The following UBAP1 variants were observed in gnomAD, a reference collection of about 807,000 sequenced individuals.
UBAP1 encodes ubiquitin-associated protein 1.
Under a neutral mutation model 39.0 loss-of-function variants are expected in UBAP1, and 5 were observed. The ratio of observed to expected loss-of-function variants is 0.13; its 90% CI spans 0.07 to 0.27. The LOEUF is 0.27. UBAP1 is among the 10% of genes least tolerant of loss of function. UBAP1 has a pLI of 1.00. For synonymous variants in UBAP1, 211 were observed against 225.1 expected, an observed-to-expected ratio of 0.94 and a Z score of 0.56; for missense variants, 490 against 608.1, an observed-to-expected ratio of 0.81 and a Z score of 2.04.
intron 1 of UBAP1, chr9:34,211,984 A>G: frequency 2.4e-6 from 1 of 425,366 alleles, no homozygotes. Flanking sequence ...TCTAAGTTTT[A>G]TTAGTGTAAA....
chr9:34,203,797 A>G (rs1268957859), intron 1 of UBAP1, among the ~76,000 whole-genome samples: 3 of 151,952 alleles, frequency 2.0e-5, no homozygotes, highest in African/African-American at 7.3e-5. Flanking sequence ...CCATCCTTAT[A>G]TTGTTTTTCC....
intron 2 of UBAP1, among the ~76,000 whole-genome samples, chr9:34,226,105 T>TGTGTGTGTG (rs1833038876): frequency 2.3e-5 from 2 of 88,276 alleles, no homozygotes; most frequent in African/African-American, 9.0e-5. Context: ...TCCTACTCTA[T>TGTGTGTGTG]TGTGTGTGTG....
chr9:34,195,857 A>G (rs1831006796), intron 1 of UBAP1, among the ~76,000 whole-genome samples: 1 of 148,274 alleles, frequency 6.7e-6, no homozygotes, highest in Admixed American at 6.7e-5. Context: ...TCGGCTTCCC[A>G]AAGTGCTGGG....
At chr9:34,213,694 G>GA (rs1832141413) in intron 1 of UBAP1, among the ~76,000 whole-genome samples, 1 of 152,124 alleles carries the variant, frequency 6.6e-6, no homozygotes, top group Admixed American at 6.5e-5. Context: ...GGGAAAGAAA[G>GA]AAAGGGCATC....
At chr9:34,210,830 A>G (rs764764005) in intron 1 of UBAP1, among the ~76,000 whole-genome samples, 87 of 151,450 alleles carry the variant, frequency 5.7e-4, no homozygotes, top group Non-Finnish European at 1.1e-3. Context: ...TAATTCACCA[A>G]CCTTTTTTTT....
chr9:34,228,417 CAAAAAAAA>C (rs1182740329), intron 2 of UBAP1, among the ~76,000 whole-genome samples: 3 of 56,180 alleles, frequency 5.3e-5, no homozygotes, highest in African/African-American at 1.9e-4. Context: ...GACTTCATCT[CAAAAAAAA>C]AAAAAAAAAG....
At chr9:34,219,069 C>T (rs1410490954) in intron 1 of UBAP1, among the ~76,000 whole-genome samples, 9 of 152,120 alleles carry the variant, frequency 5.9e-5, no homozygotes, top group Admixed American at 2.6e-4. Flanking sequence ...TATCTCTACA[C>T]CATGCTGAAA....
At chr9:34,234,575 G>GT (rs1833584935) in intron 3 of UBAP1, among the ~76,000 whole-genome samples, 1 of 152,012 alleles carries the variant, frequency 6.6e-6, no homozygotes, top group Admixed American at 6.6e-5. Flanking sequence ...GAGCTCAGGA[G>GT]TTTGAGACCA....
At chr9:34,206,470 A>G (rs1250150712) in intron 1 of UBAP1, among the ~76,000 whole-genome samples, 3 of 152,132 alleles carry the variant, frequency 2.0e-5, no homozygotes, top group African/African-American at 7.2e-5. Flanking sequence ...AGATTGTGCC[A>G]CTGCATTCCA....
rs555787722 is a variant in UBAP1 at position 34,246,214 on chromosome 9, G to A, written c.1084-3565G>A. 4.7e-4 allele frequency among the ~76,000 whole-genome samples: 72 copies of A among 152,180 alleles called. 2 individuals are homozygous for A. The South Asian group carries it at 0.014, about 30-fold the overall frequency. ...TCTGGGTAGCTGGGACTACAGGCAC[G>A]TGCCACCACACCTGGCTAACTTTTT... On this transcript the variant is annotated intron_variant, in intron 4 of 6. Coordinates refer to ENST00000297661, the MANE Select transcript of UBAP1 (RefSeq NM_016525.5).
At chr9:34,207,825 T>C (rs73496348) in intron 1 of UBAP1, among the ~76,000 whole-genome samples, 1,604 of 152,268 alleles carry the variant, frequency 0.011, 23 homozygotes, top group African/African-American at 0.036. Flanking sequence ...ATTAATTTTG[T>C]ATCCAGAAAT....
At chr9:34,221,154 T>C (rs1832734712) in intron 2 of UBAP1, among the ~76,000 whole-genome samples, 1 of 152,204 alleles carries the variant, frequency 6.6e-6, no homozygotes, top group Non-Finnish European at 1.5e-5. Flanking sequence ...AGTTAAACTT[T>C]AGAGTGTCTC....
chr9:34,215,315 A>T (rs1443112504), intron 1 of UBAP1, among the ~76,000 whole-genome samples: 1 of 150,964 alleles, frequency 6.6e-6, no homozygotes, highest in Non-Finnish European at 1.5e-5. Context: ...AAGTATGTAT[A>T]TATGTGTCAT....
At chr9:34,222,044 G>A (rs1193889736) in intron 2 of UBAP1, among the ~76,000 whole-genome samples, 1 of 152,066 alleles carries the variant, frequency 6.6e-6, no homozygotes, top group African/African-American at 2.4e-5. Flanking sequence ...TGGGAGGATT[G>A]CTTGATCCCA....
rs1027206051 is a variant in UBAP1, at chr9:34,208,647, G to A, written c.-7-12261G>A. ...AAAAAAATTAGCCGGACGTGGTGGC[G>A]GGCGCCTGTAGTCCCAGCTACTTGG... On this transcript the variant is annotated intron_variant, in intron 1 of 6. Coordinates refer to ENST00000297661, the MANE Select transcript of UBAP1 (RefSeq NM_016525.5). Among the ~76,000 whole-genome samples, 6 of 151,880 alleles carry A rather than the reference G, an allele frequency of 4.0e-5. No individual in the cohort carries two copies. In the South Asian group the frequency reaches 6.3e-4, roughly 16 times the overall value.
intron 1 of UBAP1, among the ~76,000 whole-genome samples, chr9:34,207,159 C>G (rs1831752908): frequency 7.4e-6 from 1 of 135,484 alleles, no homozygotes; most frequent in African/African-American, 2.7e-5. Context: ...TTAAGTGATT[C>G]TCCTGCCTCA....
chr9:34,188,379 G>C (rs1449221919), intron 1 of UBAP1, among the ~76,000 whole-genome samples: 1 of 146,780 alleles, frequency 6.8e-6, no homozygotes, highest in Non-Finnish European at 1.5e-5. Flanking sequence ...AAATAGAAGA[G>C]AGCAACAAAG....
chr9:34,184,023 G>A (rs1411185846), intron 1 of UBAP1, among the ~76,000 whole-genome samples: 1 of 151,912 alleles, frequency 6.6e-6, no homozygotes, highest in African/African-American at 2.4e-5. Flanking sequence ...ATCCGCTTCG[G>A]CCTCCCAAAG....
At chr9:34,249,371 A>G (rs574802351) in intron 4 of UBAP1, among the ~76,000 whole-genome samples, 3 of 152,264 alleles carry the variant, frequency 2.0e-5, no homozygotes, top group South Asian at 4.1e-4. Context: ...CAGAACTGAT[A>G]CTTCAGCCTG....
Sources: gnomAD v4.1 joint callset for allele counts (sites outside exome capture counted in the v4.1 genomes callset) on GRCh38, gnomAD v4.1.1 for gene constraint, MANE v1.5 for transcripts, NCBI Gene and HGNC (gene_info 2026-07-23, HGNC 2026-07-21) for gene names.